SIM2: variants seen among roughly 807,000 people sequenced by gnomAD.
SIM2 encodes SIM bHLH transcription factor 2.
A neutral mutation model predicts 64.8 loss-of-function variants in SIM2; 28 were observed. That is an observed-to-expected ratio of 0.43 (90% CI 0.32 to 0.59). SIM2 has a LOEUF of 0.59. Ranked by LOEUF, SIM2 falls within the 20% of genes least tolerant of loss-of-function variation. The probability of loss-of-function intolerance (pLI) is 0.07; values close to 1 mark genes in which losing one functional copy is unlikely to be tolerated. For synonymous variants in SIM2, 408 were observed against 391.1 expected (o/e 1.04, Z -0.51); for missense variants, 847 against 871.4 (o/e 0.97, Z 0.35).
intron 2 of SIM2, 84 bp downstream of exon 2, chr21:36,709,334 C>T (rs2088640180): frequency 1.7e-6 from 2 of 1,143,664 alleles, no homozygotes; most frequent in East Asian, 2.6e-5. Flanking sequence ...GCGTCCCTTC[C>T]CCAGGAGCGC....
intron 5 of SIM2, among the ~76,000 whole-genome samples, chr21:36,723,843 C>T (rs1266917185): frequency 3.3e-5 from 5 of 152,192 alleles, no homozygotes; most frequent in Admixed American, 2.0e-4. Flanking sequence ...GAGAGTCAGC[C>T]GCCCCCCAGG....
chr21:36,722,949 C>G, intron 4 of SIM2, 96 bp from the exon 5 acceptor site: 1 of 918,806 alleles, frequency 1.1e-6, no homozygotes, highest in Non-Finnish European at 1.8e-6. Flanking sequence ...CCTCTGGGTG[C>G]TGCATCTGGC....
rs1056605644 is a variant in SIM2, at chr21:36,727,569, C to T, written c.743+1251C>T. Among the ~76,000 whole-genome samples, 9 of 152,246 alleles carry T rather than the reference C, an allele frequency of 5.9e-5. No individual in the cohort carries two copies. The East Asian group carries it at 9.7e-4, about 16-fold the overall frequency. On this transcript the variant is annotated intron_variant, in intron 6 of 10. Coordinates refer to ENST00000290399, the MANE Select transcript of SIM2 (RefSeq NM_005069.6). ...AGGAAAGATGAGATTAGATAATAGACGGAAGCATTGGAAACAGTGAAGCCT... is the reference window on the plus strand; with the variant it reads ...AGGAAAGATGAGATTAGATAATAGATGGAAGCATTGGAAACAGTGAAGCCT...
At chr21:36,724,006 C>T (rs1184268653) in intron 5 of SIM2, among the ~76,000 whole-genome samples, 2 of 152,214 alleles carry the variant, frequency 1.3e-5, no homozygotes, top group African/African-American at 4.8e-5. Flanking sequence ...AGGCTGAAAG[C>T]TGCCAGAAAC....
chr21:36,721,090 C>A (rs2088817523), intron 4 of SIM2, among the ~76,000 whole-genome samples: 1 of 152,076 alleles, frequency 6.6e-6, no homozygotes, highest in Non-Finnish European at 1.5e-5. Context: ...TTGTAAAATC[C>A]CTTGCAGACA....
chr21:36,748,998 C>T lies in SIM2; in HGVS notation c.*906C>T, dbSNP rs2089282527. On this transcript the variant is annotated 3_prime_UTR_variant, in exon 11 of 11. Coordinates refer to ENST00000290399, the MANE Select transcript of SIM2 (RefSeq NM_005069.6). ...GTTAAATTGCACGTGCAATACGGAA[C>T]ACTGTCAATGGACTGCACCTTGTGA... 6.6e-6 allele frequency: 1 copy of T among 152,656 alleles called. No individual in the cohort carries two copies. The highest frequency in any genetic ancestry group is 1.5e-5 in the Non-Finnish European group (1 of 68,046). 9.5% of individuals were successfully genotyped at this position (152,656 alleles called of 1,614,324 possible). A position where few individuals can be genotyped will look rare whatever the true frequency, so the allele number is the denominator to read the frequency against.
intron 1 of SIM2, among the ~76,000 whole-genome samples, chr21:36,706,631 T>C (rs560589340): frequency 1.3e-5 from 2 of 152,374 alleles, no homozygotes; most frequent in African/African-American, 4.8e-5. Flanking sequence ...AAATCTTTAT[T>C]TAGTCTCTGC....
chr21:36,700,680 C>A (rs904075747), intron 1 of SIM2, among the ~76,000 whole-genome samples: 1 of 152,178 alleles, frequency 6.6e-6, no homozygotes, highest in South Asian at 2.1e-4. Context: ...GGCCACAGAG[C>A]GAACACTTGT....
At chr21:36,701,083 C>G (rs1170128285) in intron 1 of SIM2, among the ~76,000 whole-genome samples, 1 of 152,210 alleles carries the variant, frequency 6.6e-6, no homozygotes, top group Non-Finnish European at 1.5e-5. Flanking sequence ...CGGCCTGGCC[C>G]GAAGGATTTG....
rs111749231 is a variant in SIM2, at chr21:36,709,269, G to A, written c.258+19G>A. On this transcript the variant is annotated intron_variant, in intron 2 of 10. Coordinates refer to ENST00000290399, the MANE Select transcript of SIM2 (RefSeq NM_005069.6). ...GCTGCAGGTAGAGCGGCCTCGCCGGGGGAGGAGCGCAGCCGCCGCAGGCTC... is the reference window on the plus strand; with the variant it reads ...GCTGCAGGTAGAGCGGCCTCGCCGGAGGAGGAGCGCAGCCGCCGCAGGCTC... 4.4e-6 allele frequency: 7 copies of A among 1,574,378 alleles called. No individual in the cohort carries two copies. In the African/African-American group the frequency reaches 5.4e-5, roughly 12 times the overall value.
intron 6 of SIM2, among the ~76,000 whole-genome samples, chr21:36,727,634 T>TTCC (rs1465444842): frequency 6.6e-6 from 1 of 152,114 alleles, no homozygotes; most frequent in Non-Finnish European, 1.5e-5. Context: ...GGCAGGTAGG[T>TTCC]TCCTCAGCTG....
At chr21:36,728,822 C>T (rs1239759629) in intron 6 of SIM2, among the ~76,000 whole-genome samples, 1 of 152,240 alleles carries the variant, frequency 6.6e-6, no homozygotes, top group South Asian at 2.1e-4. Flanking sequence ...CGAAGTCCAG[C>T]GGCCCCAAGT....
At chr21:36,714,564 G>T (rs891547332) in intron 3 of SIM2, among the ~76,000 whole-genome samples, 2 of 152,118 alleles carry the variant, frequency 1.3e-5, no homozygotes, top group African/African-American at 4.8e-5. Flanking sequence ...ACTACAGGGG[G>T]CAACACAAAA....
intron 7 of SIM2, among the ~76,000 whole-genome samples, chr21:36,737,447 T>A (rs188074905): frequency 2.0e-5 from 3 of 152,310 alleles, no homozygotes; most frequent in Non-Finnish European, 4.4e-5. Context: ...AGGCTTGTGA[T>A]CTGTTGACCC....
chr21:36,714,877 G>T (rs1230906829), intron 3 of SIM2, among the ~76,000 whole-genome samples: 1 of 152,214 alleles, frequency 6.6e-6, no homozygotes, highest in Admixed American at 6.5e-5. Context: ...GGAAATCCAG[G>T]CAGCCTCACA....
At chr21:36,720,054 G>C in intron 4 of SIM2, 125 bp downstream of exon 4, 6 of 681,264 alleles carry the variant, frequency 8.8e-6, no homozygotes, top group Middle Eastern at 2.5e-4. Context: ...CCCAGCCCAG[G>C]TCTCTCCAAT....
chr21:36,723,613 C>G (rs893720345), intron 5 of SIM2, among the ~76,000 whole-genome samples: 1 of 152,228 alleles, frequency 6.6e-6, no homozygotes, highest in South Asian at 2.1e-4. Context: ...GGCACCACAC[C>G]TGGGCCACTC....
At chr21:36,700,079 T>G (rs1017009072) in intron 1 of SIM2, among the ~76,000 whole-genome samples, 158 bp downstream of exon 1, 1 of 152,110 alleles carries the variant, frequency 6.6e-6, no homozygotes, top group African/African-American at 2.4e-5. Context: ...GCTTCGGCGC[T>G]GGCTTGGGGC....
At chr21:36,733,761 C>T (rs4817818) in intron 7 of SIM2, among the ~76,000 whole-genome samples, 56,448 of 151,840 alleles carry the variant, frequency 0.37, 10,569 homozygotes, top group African/African-American at 0.42. Context: ...CGGGGTTTCA[C>T]CGTGTTAGCC....
Sources: gnomAD v4.1 joint callset for allele counts (sites outside exome capture counted in the v4.1 genomes callset) on GRCh38, gnomAD v4.1.1 for gene constraint, MANE v1.5 for transcripts, NCBI Gene and HGNC (gene_info 2026-07-23, HGNC 2026-07-21) for gene names.